FRMPD3: variants seen among roughly 807,000 people sequenced by gnomAD.
FRMPD3 encodes FERM and PDZ domain containing 3, also known as FERM and PDZ domain-containing protein 3.
FRMPD3 carries 42 observed loss-of-function variants against 97.9 expected under a neutral mutation model. The observed-to-expected ratio is 0.43, with a 90% CI of 0.34 to 0.55. The LOEUF (loss-of-function observed/expected upper bound fraction) is 0.55. Ranked by LOEUF, FRMPD3 falls within the 20% of genes least tolerant of loss-of-function variation. The pLI is 0.03. For missense variants in FRMPD3, 1,303 were observed against 1,457.7 expected (o/e 0.89, Z 1.73); for synonymous variants, 577 against 581.1 (o/e 0.99, Z 0.10).
chrX:107,603,347 C>A lies in FRMPD3; in HGVS notation c.5308C>A (p.His1770Asn). Residue 1770 changes from histidine to asparagine, a missense_variant, in exon 15 of 15, where the codon CAC becomes AAC. By Grantham distance (68) the His-to-Asn change is moderately conservative. Coordinates refer to ENST00000683843, the MANE Select transcript of FRMPD3 (RefSeq NM_001388459.1). ...TSATVMSTFT[H>N]SLKTLIK The stretch of plus-strand genomic sequence containing the variant: ...GGCGACTGTTATGAGCACATTCACC[C>A]ACTCCTTAAAAACCCTTATTAAGTA... 8.7e-7 allele frequency: 1 copy of A among 1,154,517 alleles called. No individual in the cohort carries two copies. The highest frequency in any genetic ancestry group is 1.2e-6 in the Non-Finnish European group (1 of 866,355).
At chrX:107,559,199 C>G (rs1203566913) in intron 8 of FRMPD3, among the ~76,000 whole-genome samples, 2 of 110,722 alleles carry the variant, frequency 1.8e-5, no homozygotes, top group Non-Finnish European at 3.8e-5. Context: ...AACTCCTGAT[C>G]TCAGGTAATC....
At chrX:107,540,050 G>C (rs1447482704) in intron 4 of FRMPD3, among the ~76,000 whole-genome samples, 2 of 112,251 alleles carry the variant, frequency 1.8e-5, no homozygotes, top group Non-Finnish European at 3.8e-5. Context: ...AGTGTGTGCA[G>C]GGAGCTGTGG....
intron 1 of FRMPD3, among the ~76,000 whole-genome samples, chrX:107,489,817 G>A (rs1437659390): frequency 9.0e-6 from 1 of 111,547 alleles, no homozygotes; most frequent in Non-Finnish European, 1.9e-5. Flanking sequence ...AGTTTCTTTT[G>A]CTGTGCAGAA....
intron 12 of FRMPD3, among the ~76,000 whole-genome samples, chrX:107,569,294 CAAAAAAAAAAAAAA>C: frequency 4.7e-5 from 1 of 21,254 alleles, no homozygotes; most frequent in Middle Eastern, 0.032. Flanking sequence ...GACTCCATCT[CAAAAAAAAAAAAAA>C]AAAAAAAAAG....
chrX:107,488,622 A>G (rs776697306), intron 1 of FRMPD3, among the ~76,000 whole-genome samples: 7 of 111,819 alleles, frequency 6.3e-5, no homozygotes, highest in Admixed American at 1.9e-4. Flanking sequence ...TCTTCAGTGG[A>G]TATGTACTGT....
At position 107,596,514 on chromosome X, in the gene FRMPD3, A is replaced by G. The variant is rs112144565; in HGVS notation, c.1442-807A>G. On this transcript the variant is annotated intron_variant, in intron 13 of 14. Transcript: ENST00000683843. ...GGTATTCACAGATAAAGCATTTGCT[A>G]TAGATAATTCTCAGATGCACACACC... 3.7e-3 allele frequency among the ~76,000 whole-genome samples: 413 copies of G among 112,491 alleles called. 1 individual carries two copies. The highest frequency in any genetic ancestry group is 0.023 in the Middle Eastern group (5 of 219).
intron 5 of FRMPD3, among the ~76,000 whole-genome samples, chrX:107,546,909 G>C (rs187038432): frequency 1.8e-5 from 2 of 111,327 alleles, no homozygotes; most frequent in Admixed American, 9.6e-5. Context: ...TGAGAAGAAG[G>C]TATAGAGGAC....
At chrX:107,598,782 A>C (rs1330090009) in intron 14 of FRMPD3, among the ~76,000 whole-genome samples, 1 of 112,676 alleles carries the variant, frequency 8.9e-6, no homozygotes, top group Non-Finnish European at 1.9e-5. Context: ...CATGCAAAGC[A>C]TGTAAGCACT....
chrX:107,578,064 T>G (rs1923210434), intron 13 of FRMPD3, among the ~76,000 whole-genome samples: 1 of 111,766 alleles, frequency 8.9e-6, no homozygotes, highest in Admixed American at 9.5e-5. Context: ...AGCATTAGCA[T>G]TATCACTGTC....
In FRMPD3 at chrX:107,603,271, G is replaced by A; in HGVS notation, c.5232G>A (p.Val1744=). ...AACAGCAGCAGCAGCAGCAGCAGGTGGCAGCAGCTGCAGGGGCAGCCACAG... is the reference window on the plus strand; with the variant it reads ...AACAGCAGCAGCAGCAGCAGCAGGTAGCAGCAGCTGCAGGGGCAGCCACAG... The part of the protein sequence containing the change: ...QQQQQQQQQQ[V]AAAAGAATEH... Residue 1744 remains valine (V), a synonymous_variant, in exon 15 of 15, where the codon GTG becomes GTA. Coordinates refer to ENST00000683843, the MANE Select transcript of FRMPD3 (RefSeq NM_001388459.1). 9.1e-7 allele frequency: 1 copy of A among 1,098,914 alleles called. No homozygotes were observed. 90.6% of individuals were successfully genotyped at this position (1,098,914 alleles called of 1,213,427 possible). A position where few individuals can be genotyped will look rare whatever the true frequency, so the allele number is the denominator to read the frequency against.
chrX:107,451,900 C>T (rs904249270), intron 1 of FRMPD3, among the ~76,000 whole-genome samples: 2 of 111,140 alleles, frequency 1.8e-5, no homozygotes, highest in Non-Finnish European at 3.8e-5. Flanking sequence ...ATGGCTTCTA[C>T]GTCAGAGCCC....
At chrX:107,475,825 G>T (rs183236392) in intron 1 of FRMPD3, among the ~76,000 whole-genome samples, 34 of 112,459 alleles carry the variant, frequency 3.0e-4, no homozygotes, top group African/African-American at 1.1e-3. Flanking sequence ...TTGGGCAGTG[G>T]TTTATCATTT....
chrX:107,509,753 G>A (rs1475621396), intron 1 of FRMPD3, among the ~76,000 whole-genome samples: 1 of 110,353 alleles, frequency 9.1e-6, no homozygotes, highest in Non-Finnish European at 1.9e-5. Flanking sequence ...TGCTTACATA[G>A]CATCCTCTGC....
chrX:107,556,139 A>G (rs1212011007), intron 8 of FRMPD3, among the ~76,000 whole-genome samples: 2 of 111,438 alleles, frequency 1.8e-5, no homozygotes, highest in Non-Finnish European at 3.8e-5. Flanking sequence ...TCTGTCTCTG[A>G]TGGTGATATC....
chrX:107,520,948 ATAT>A (rs1328278019), intron 1 of FRMPD3, among the ~76,000 whole-genome samples: 9 of 111,873 alleles, frequency 8.0e-5, no homozygotes, highest in East Asian at 5.6e-4. Flanking sequence ...ATGGCAGCTG[ATAT>A]TATTGTTTTC....
At chrX:107,530,646 G>A in intron 3 of FRMPD3, 135 bp downstream of exon 3, 2 of 467,118 alleles carry the variant, frequency 4.3e-6, no homozygotes, top group Non-Finnish European at 7.4e-6. Context: ...GAGGGCTCCT[G>A]GCTAACCCAG....
At chrX:107,515,878 AT>A (rs771014406) in intron 1 of FRMPD3, among the ~76,000 whole-genome samples, 78 of 111,663 alleles carry the variant, frequency 7.0e-4, no homozygotes, top group African/African-American at 2.5e-3. Context: ...AACATCCTCC[AT>A]TTTTTTAAAT....
intron 1 of FRMPD3, among the ~76,000 whole-genome samples, chrX:107,485,576 T>A (rs1921483599): frequency 8.9e-6 from 1 of 112,519 alleles, no homozygotes; most frequent in Admixed American, 9.4e-5. Flanking sequence ...AAGATAGGTA[T>A]CTGTGAAGTT....
rs752945375 is a variant in FRMPD3 at position 107,460,511 on chromosome X, C to T, written c.-8+10506C>T. ...GCTCAAGTAATCCTCCCACCTCAGC[C>T]TCCCAAGTAGCTGGGACTACAGGTC... On this transcript the variant is annotated intron_variant, in intron 1 of 14. Coordinates refer to ENST00000683843, the MANE Select transcript of FRMPD3 (RefSeq NM_001388459.1). 3.6e-5 allele frequency among the ~76,000 whole-genome samples: 4 copies of T among 110,071 alleles called. No homozygotes were observed. The East Asian group carries it at 8.6e-4, about 24-fold the overall frequency.
Sources: allele counts gnomAD v4.1 joint callset (sites outside exome capture counted in the v4.1 genomes callset), GRCh38; gene constraint gnomAD v4.1.1; transcripts MANE v1.5; gene names NCBI Gene and HGNC (gene_info 2026-07-23, HGNC 2026-07-21).